FRG1: variants seen among roughly 807,000 people sequenced by gnomAD.
FRG1 encodes FSHD region gene 1.
A neutral mutation model predicts 37.0 loss-of-function variants in FRG1; 19 were observed. The ratio of observed to expected loss-of-function variants is 0.51; its 90% CI spans 0.36 to 0.75. FRG1 has a LOEUF of 0.75. Ranked by LOEUF, FRG1 falls within the 30% of genes least tolerant of loss-of-function variation. FRG1 has a pLI of 0.00. For synonymous variants in FRG1, 73 were observed against 96.5 expected, an observed-to-expected ratio of 0.76 and a Z score of 1.43; for missense variants, 243 against 301.4, an observed-to-expected ratio of 0.81 and a Z score of 1.44.
At chr4:189,949,015 G>A (rs1736646227) in intron 2 of FRG1, among the ~76,000 whole-genome samples, 3 of 152,092 alleles carry the variant, frequency 2.0e-5, no homozygotes, top group Admixed American at 2.0e-4. Flanking sequence ...GACAATATGT[G>A]TAAAGCTTTC....
At chr4:189,946,311 C>CAAAAAAAAAAAAAAAAAAACAAAAA (rs34356772) in intron 2 of FRG1, among the ~76,000 whole-genome samples, 1 of 105,652 alleles carries the variant, frequency 9.5e-6, no homozygotes, top group Non-Finnish European at 2.0e-5. Context: ...GCTGATAAGC[C>CAAAAAAAAAAAAAAAAAAACAAAAA]AAAAAAAAAA....
chr4:189,960,144 G>A (rs140209531), intron 6 of FRG1, among the ~76,000 whole-genome samples: 1 of 152,150 alleles, frequency 6.6e-6, no homozygotes, highest in Non-Finnish European at 1.5e-5. Context: ...AGATCCCTTA[G>A]GAGACATGAG....
At chr4:189,944,751 C>T (rs1200836043) in intron 2 of FRG1, among the ~76,000 whole-genome samples, 1 of 152,034 alleles carries the variant, frequency 6.6e-6, no homozygotes, top group Non-Finnish European at 1.5e-5. Flanking sequence ...TCTGTTCTAT[C>T]GATACGTTTG....
At chr4:189,960,454 G>A (rs73876038) in intron 6 of FRG1, among the ~76,000 whole-genome samples, 2 of 152,298 alleles carry the variant, frequency 1.3e-5, no homozygotes, top group Admixed American at 1.3e-4. Flanking sequence ...AATTAAATTA[G>A]TTAATGATCG....
At chr4:189,941,813 G>A (rs564976700) in intron 1 of FRG1, 6 of 424,768 alleles carry the variant, frequency 1.4e-5, no homozygotes, top group Non-Finnish European at 2.3e-5. Context: ...TCATATCCCC[G>A]CTTCTTTTTT....
chr4:189,957,915 C>CA (rs1292813573), intron 6 of FRG1, among the ~76,000 whole-genome samples: 2 of 152,138 alleles, frequency 1.3e-5, no homozygotes, highest in Admixed American at 6.5e-5. Flanking sequence ...ACCTGTGTCC[C>CA]AGCACCTGTT....
intron 2 of FRG1, among the ~76,000 whole-genome samples, chr4:189,944,269 C>T (rs1216758905): frequency 1.3e-5 from 2 of 152,172 alleles, no homozygotes; most frequent in Admixed American, 6.6e-5. Flanking sequence ...CTCCACCTCC[C>T]GGGTTCATGC....
At chr4:189,958,572 A>G (rs1369989858) in intron 6 of FRG1, among the ~76,000 whole-genome samples, 6 of 152,266 alleles carry the variant, frequency 3.9e-5, no homozygotes, top group Non-Finnish European at 7.3e-5. Flanking sequence ...AAAGTTCCTT[A>G]TTCCAGGCTA....
intron 2 of FRG1, 85 bp from the exon 3 acceptor site, chr4:189,952,077 T>G (rs1736777191): frequency 4.1e-6 from 4 of 978,336 alleles, no homozygotes; most frequent in Middle Eastern, 3.5e-4. Flanking sequence ...AATAAGAAGT[T>G]TTTAAAATTA....
intron 2 of FRG1, among the ~76,000 whole-genome samples, chr4:189,945,071 G>T (rs985636041): frequency 6.6e-6 from 1 of 152,086 alleles, no homozygotes; most frequent in Non-Finnish European, 1.5e-5. Flanking sequence ...TGATTTTCCA[G>T]TTGTTTGCTG....
At chr4:189,945,666 T>C (rs1736498049) in intron 2 of FRG1, among the ~76,000 whole-genome samples, 1 of 152,246 alleles carries the variant, frequency 6.6e-6, no homozygotes, top group South Asian at 2.1e-4. Flanking sequence ...TTTTGTTTTT[T>C]TTTAAGATTT....
At chr4:189,943,960 G>C (rs558233087) in intron 2 of FRG1, among the ~76,000 whole-genome samples, 1 of 152,232 alleles carries the variant, frequency 6.6e-6, no homozygotes, top group Admixed American at 6.5e-5. Flanking sequence ...AATATCTAGG[G>C]TAGATATGTA....
chr4:189,955,527 A>G (rs540727828), intron 5 of FRG1, among the ~76,000 whole-genome samples: 2 of 152,328 alleles, frequency 1.3e-5, no homozygotes, highest in South Asian at 4.1e-4. Flanking sequence ...GCTTGCTAAG[A>G]CCAAGTTGTG....
intron 1 of FRG1, among the ~76,000 whole-genome samples, chr4:189,941,643 C>A (rs192076742): frequency 6.6e-6 from 1 of 152,070 alleles, no homozygotes. Flanking sequence ...AATATCTGAA[C>A]CTCCGTTTAC....
At chr4:189,954,090 A>G (rs1374874630) in intron 4 of FRG1, among the ~76,000 whole-genome samples, 1 of 152,176 alleles carries the variant, frequency 6.6e-6, no homozygotes, top group Non-Finnish European at 1.5e-5. Context: ...TCTAAAAACT[A>G]AAAAGGAAAG....
At position 189,955,135 on chromosome 4, in the gene FRG1, A is replaced by T. The variant is rs1216913860; in HGVS notation, c.416A>T (p.Glu139Val). The change falls in exon 5 of 9, where the codon GAA becomes GTA. Residue 139 changes from glutamate to valine, a missense_variant. Transcript: ENST00000226798. ...SDAIGPREQW[E>V]PVFQNGKMAL... is the part of the protein sequence containing the mutation. Reference sequence around the variant, plus strand: ...GCAATTGGACCAAGAGAACAATGGGAACCAGTCTTTCAAAATGTAAGTGCT... The same window carrying T: ...GCAATTGGACCAAGAGAACAATGGGTACCAGTCTTTCAAAATGTAAGTGCT... 2 of 1,610,690 alleles carry T rather than the reference A, an allele frequency of 1.2e-6. No homozygotes were observed. Among genetic ancestry groups the T allele is most frequent in the Non-Finnish European group, 1.7e-6 (2 of 1,176,970 alleles).
At chr4:189,957,569 G>C in intron 6 of FRG1, 67 bp downstream of exon 6, 2 of 1,354,370 alleles carry the variant, frequency 1.5e-6, no homozygotes, top group Non-Finnish European at 2.1e-6. Flanking sequence ...TCTTTAAAAT[G>C]TTAAATGGTC....
intron 2 of FRG1, among the ~76,000 whole-genome samples, chr4:189,950,751 TA>T (rs1439662101): frequency 6.6e-6 from 1 of 152,176 alleles, no homozygotes; most frequent in Non-Finnish European, 1.5e-5. Flanking sequence ...GCCCCAGCAT[TA>T]ATTATCAATA....
Position 189,955,066 on chromosome 4 carries a change from A to G in FRG1, c.347A>G (p.Tyr116Cys), listed in dbSNP as rs1350263996. ...GCCCTGAAGTCTGGCTATGGAAAATATCTTGGTATAAATTCAGATGGACTT... is the reference window on the plus strand; with the variant it reads ...GCCCTGAAGTCTGGCTATGGAAAATGTCTTGGTATAAATTCAGATGGACTT... The part of the protein sequence containing the change: ...RIALKSGYGK[Y>C]LGINSDGLVV... Residue 116 changes from tyrosine (Y) to cysteine (C), a missense_variant, in exon 5 of 9, where the codon TAT (tyrosine) becomes TGT (cysteine). Around this residue, in one of 2 missense-constraint regions of FRG1, gnomAD observed 133 missense variants for 199.3 expected, o/e 0.67. Transcript: ENST00000226798. 1 of 1,613,172 alleles carries G rather than the reference A, an allele frequency of 6.2e-7. No individual in the cohort carries two copies.
Sources: gnomAD v4.1 joint callset for allele counts (sites outside exome capture counted in the v4.1 genomes callset) on GRCh38, gnomAD v4.1.1 for gene constraint, gnomAD v4.1.1 regional missense constraint, MANE v1.5 for transcripts, NCBI Gene and HGNC (gene_info 2026-07-23, HGNC 2026-07-21) for gene names.